Variants in COL19A1 observed in about 807,000 individuals in gnomAD.
COL19A1 encodes the protein collagen type XIX alpha 1 chain.
COL19A1 carries 159 observed loss-of-function variants against 190.2 expected under a neutral mutation model. The ratio of observed to expected loss-of-function variants is 0.84; its 90% confidence interval spans 0.73 to 0.95. COL19A1 has a LOEUF of 0.95. Ranked by LOEUF, COL19A1 falls within the 40% of genes least tolerant of loss-of-function variation. The pLI, the probability that COL19A1 is intolerant of heterozygous loss-of-function variation, is 0.00. For missense variants in COL19A1, 1,418 were observed against 1,431.9 expected (o/e 0.99, Z 0.16); for synonymous variants, 509 against 458.9 (o/e 1.11, Z -1.39).
intron 48 of COL19A1, among the ~76,000 whole-genome samples, chr6:70,194,108 G>T (rs192940244): frequency 6.6e-6 from 1 of 152,180 alleles, no homozygotes; most frequent in Non-Finnish European, 1.5e-5. Context: ...TCTGCTGCAC[G>T]CATCCCTGCA....
At chr6:70,186,054 G>A (rs981776799) in intron 46 of COL19A1, among the ~76,000 whole-genome samples, 1 of 152,052 alleles carries the variant, frequency 6.6e-6, no homozygotes, top group Middle Eastern at 3.4e-3. Context: ...ATGCTGTCTT[G>A]TAAGTGTCTT....
At chr6:69,928,075 A>G in intron 5 of COL19A1, 43 bp downstream of exon 5, 2 of 1,592,934 alleles carry the variant, frequency 1.3e-6, no homozygotes, top group Non-Finnish European at 1.7e-6. Flanking sequence ...TTCCTTGTGT[A>G]ATTAAGCCAG....
intron 1 of COL19A1, among the ~76,000 whole-genome samples, chr6:69,871,175 A>AT (rs1767799355): frequency 6.6e-6 from 1 of 152,178 alleles, no homozygotes; most frequent in African/African-American, 2.4e-5. Flanking sequence ...ATTGGCTTGA[A>AT]TTTTTTACTC....
chr6:70,149,325 C>G (rs913069544), intron 27 of COL19A1, among the ~76,000 whole-genome samples: 2 of 152,100 alleles, frequency 1.3e-5, no homozygotes, highest in Non-Finnish European at 2.9e-5. Context: ...GTGATTTATT[C>G]CAAGAGATAA....
At position 70,211,721 on chromosome 6, in the gene COL19A1, G is replaced by A. The variant is rs560152896; in HGVS notation, c.*4447G>A. Among the ~76,000 whole-genome samples, 8 of 151,614 alleles carry A rather than the reference G, an allele frequency of 5.3e-5. No homozygotes were observed. In the East Asian group the frequency reaches 1.4e-3, roughly 26 times the overall value. On this transcript the variant is annotated 3_prime_UTR_variant, in exon 51 of 51. Transcript: ENST00000620364. ...ATCATTTTTATTGTGTGGCATACTT[G>A]GAGCTATAATCCAAACGTTTTACTC...
intron 4 of COL19A1, among the ~76,000 whole-genome samples, chr6:69,912,651 G>A (rs1342609921): frequency 6.6e-6 from 1 of 152,096 alleles, no homozygotes; most frequent in Non-Finnish European, 1.5e-5. Flanking sequence ...GTGTGCTTTG[G>A]AAGGTGGTGG....
chr6:69,950,873 A>G (rs1433563516), intron 9 of COL19A1, among the ~76,000 whole-genome samples: 1 of 151,896 alleles, frequency 6.6e-6, no homozygotes, highest in African/African-American at 2.4e-5. Context: ...GCCTCATTTC[A>G]TACTTCACTT....
intron 15 of COL19A1, among the ~76,000 whole-genome samples, chr6:70,072,607 G>A (rs980235267): frequency 3.3e-5 from 5 of 152,014 alleles, no homozygotes; most frequent in African/African-American, 1.2e-4. Flanking sequence ...CCCTCTCTGG[G>A]CAACCATCCT....
At chr6:69,971,409 A>G (rs1775415476) in intron 11 of COL19A1, among the ~76,000 whole-genome samples, 1 of 152,202 alleles carries the variant, frequency 6.6e-6, no homozygotes, top group Non-Finnish European at 1.5e-5. Flanking sequence ...GTTAAATTAC[A>G]GGTGACCGAT....
rs1766794323 is a variant in COL19A1 at position 70,190,438 on chromosome 6, C to T, written c.3094+57C>T. ...TTCACTGATTCCCACCTCCCACCTACTATGGGGAATCCCTCCAGCAACATT... is the reference window on the plus strand; with the variant it reads ...TTCACTGATTCCCACCTCCCACCTATTATGGGGAATCCCTCCAGCAACATT... On this transcript the variant is annotated intron_variant, in intron 48 of 50. Coordinates refer to ENST00000620364, the MANE Select transcript of COL19A1 (RefSeq NM_001858.6). 7 of 1,140,346 alleles carry T rather than the reference C, an allele frequency of 6.1e-6. No individual in the cohort carries two copies. In the South Asian group the frequency reaches 6.5e-5, roughly 11 times the overall value. 70.6% of individuals were successfully genotyped at this position (1,140,346 alleles called of 1,614,324 possible).
At chr6:69,984,803 T>A (rs1776227291) in intron 11 of COL19A1, among the ~76,000 whole-genome samples, 1 of 152,198 alleles carries the variant, frequency 6.6e-6, no homozygotes, top group Non-Finnish European at 1.5e-5. Context: ...ATTTGTTTCC[T>A]TGGGGACATT....
At chr6:69,944,605 G>A (rs1773677600) in intron 9 of COL19A1, among the ~76,000 whole-genome samples, 1 of 152,140 alleles carries the variant, frequency 6.6e-6, no homozygotes, top group Admixed American at 6.6e-5. Context: ...GCTTAGTATT[G>A]TCTAGGTAAT....
intron 2 of COL19A1, among the ~76,000 whole-genome samples, chr6:69,888,817 G>A (rs1169506879): frequency 6.9e-6 from 1 of 144,896 alleles, no homozygotes. Flanking sequence ...ATTTTTTCTT[G>A]TTTATTCACA....
intron 9 of COL19A1, among the ~76,000 whole-genome samples, chr6:69,959,585 C>G (rs1045206030): frequency 4.6e-5 from 7 of 152,072 alleles, no homozygotes; most frequent in African/African-American, 1.4e-4. Flanking sequence ...TATTATCTGC[C>G]TGATAGTTTT....
In COL19A1 at chr6:70,188,168, C is replaced by A. The variant is rs1362541554; in HGVS notation, c.2950C>A (p.Pro984Thr). 6.2e-7 allele frequency: 1 copy of A among 1,613,910 alleles called. No individual in the cohort carries two copies. Among genetic ancestry groups the A allele is most frequent in the South Asian group, 1.1e-5 (1 of 90,966 alleles). Residue 984 changes from proline (P) to threonine (T), a missense_variant, in exon 47 of 51, where the codon CCA becomes ACA. Coordinates refer to ENST00000620364, the MANE Select transcript of COL19A1 (RefSeq NM_001858.6). ...GAAGGGGGCCATCGGTCCTATGGGT[C>A]CACCAGGAAACAAGGGCTCCATGGG... ...GMKGAIGPMGPPGNKGSMGSP... is the reference protein window; with the variant it reads ...GMKGAIGPMGTPGNKGSMGSP...
rs149662661 is a variant in COL19A1 at position 70,091,720 on chromosome 6, CAG to C, written c.1225-10445_1225-10444del. Among the ~76,000 whole-genome samples the C allele has an allele frequency of 6.8e-3, 1,029 of 151,978 alleles. 11 individuals are homozygous for C. Among genetic ancestry groups the C allele is most frequent in the African/African-American group, 0.023 (941 of 41,394 alleles). ...TTTAGGATACTTCCCTAGAGGTGAA[CAG>C]AGAAAAAGTCAAAGAACATAAAAAG... On this transcript the variant is annotated intron_variant, in intron 15 of 50. Coordinates refer to ENST00000620364, the MANE Select transcript of COL19A1 (RefSeq NM_001858.6).
intron 1 of COL19A1, among the ~76,000 whole-genome samples, chr6:69,878,185 A>G (rs907903439): frequency 6.8e-5 from 10 of 148,078 alleles, no homozygotes; most frequent in Non-Finnish European, 7.5e-5. Flanking sequence ...TTAGGATAGT[A>G]ATTATATATA....
chr6:70,090,279 A>T (rs1782827728), intron 15 of COL19A1, among the ~76,000 whole-genome samples: 1 of 152,180 alleles, frequency 6.6e-6, no homozygotes, highest in South Asian at 2.1e-4. Context: ...CCAACCATGG[A>T]TTGAAAATAT....
At chr6:69,927,794 C>A in intron 4 of COL19A1, 115 bp from the exon 5 acceptor site, 2 of 1,321,868 alleles carry the variant, frequency 1.5e-6, no homozygotes, top group Non-Finnish European at 1.0e-6. Flanking sequence ...ATAAGTTACA[C>A]ATTTACTGAG....
Sources: gnomAD v4.1 joint callset for allele counts (sites outside exome capture counted in the v4.1 genomes callset) on GRCh38, gnomAD v4.1.1 for gene constraint, MANE v1.5 for transcripts, NCBI Gene and HGNC (gene_info 2026-07-23, HGNC 2026-07-21) for gene names.